MBD5: variants seen among roughly 807,000 people sequenced by gnomAD.
MBD5 encodes methyl-CpG binding domain protein 5.
A neutral mutation model predicts 117.3 loss-of-function variants in MBD5; 13 were observed. The observed-to-expected ratio is 0.11, with a 90% CI of 0.07 to 0.18. The LOEUF (loss-of-function observed/expected upper bound fraction) is 0.18, where lower values mean the gene tolerates loss of function less well. Among genes scored for constraint, MBD5 ranks in the 10% least tolerant of loss-of-function variants. MBD5 has a pLI of 1.00. For missense variants in MBD5, 1,879 were observed against 2,093.8 expected, an observed-to-expected ratio of 0.90 and a Z score of 2.00; for synonymous variants, 727 against 766.4, an observed-to-expected ratio of 0.95 and a Z score of 0.85.
At chr2:148,223,673 T>G (rs1317377170) in intron 2 of MBD5, among the ~76,000 whole-genome samples, 4 of 152,164 alleles carry the variant, frequency 2.6e-5, no homozygotes, top group Admixed American at 2.6e-4. Flanking sequence ...GGCCAAAAGT[T>G]TGTTAATTTT....
At chr2:148,373,930 C>T (rs1452771787) in intron 4 of MBD5, among the ~76,000 whole-genome samples, 1 of 151,958 alleles carries the variant, frequency 6.6e-6, no homozygotes, top group East Asian at 1.9e-4. Context: ...ATCCATAACC[C>T]AAAAAATCCA....
intron 4 of MBD5, among the ~76,000 whole-genome samples, chr2:148,395,954 T>C (rs1357855299): frequency 6.6e-6 from 1 of 152,196 alleles, no homozygotes; most frequent in Non-Finnish European, 1.5e-5. Context: ...TTTTCCACCT[T>C]ACACCTTAAT....
chr2:148,498,700 G>T (rs1250939051), intron 11 of MBD5, among the ~76,000 whole-genome samples: 2 of 152,148 alleles, frequency 1.3e-5, no homozygotes, highest in Non-Finnish European at 2.9e-5. Flanking sequence ...TCTCTGAAAG[G>T]TTATGTCTTC....
At chr2:148,370,084 A>T (rs1464619164) in intron 4 of MBD5, among the ~76,000 whole-genome samples, 1 of 152,132 alleles carries the variant, frequency 6.6e-6, no homozygotes, top group African/African-American at 2.4e-5. Context: ...TCACTTTATA[A>T]AGGTGATAGA....
At chr2:148,372,862 G>C (rs1161416217) in intron 4 of MBD5, among the ~76,000 whole-genome samples, 1 of 152,048 alleles carries the variant, frequency 6.6e-6, no homozygotes, top group Non-Finnish European at 1.5e-5. Flanking sequence ...AACCTGGAAT[G>C]TTGGGCAGTC....
rs1189477980 is a variant in MBD5, at chr2:148,267,223, A to G, written c.-680+33828A>G. On this transcript the variant is annotated intron_variant, in intron 3 of 13. Coordinates refer to ENST00000642680, the MANE Select transcript of MBD5 (RefSeq NM_001378120.1). ...CACAGTAGACAGATAAAAAAAGAAT[A>G]AAACAGACAAATAGATCTGGGTATA... Among the ~76,000 whole-genome samples the G allele has an allele frequency of 2.0e-5, 3 of 152,170 alleles. No homozygotes were observed. In the East Asian group the frequency reaches 5.8e-4, roughly 29 times the overall value.
At chr2:148,077,548 G>A (rs1373481924) in intron 1 of MBD5, among the ~76,000 whole-genome samples, 1 of 152,092 alleles carries the variant, frequency 6.6e-6, no homozygotes, top group Non-Finnish European at 1.5e-5. Flanking sequence ...ACTCTATTGA[G>A]GATAATTTTA....
chr2:148,254,470 A>G (rs1341456526), intron 3 of MBD5, among the ~76,000 whole-genome samples: 2 of 152,160 alleles, frequency 1.3e-5, no homozygotes, highest in Admixed American at 6.5e-5. Flanking sequence ...CACCTGCTCC[A>G]GGGATAGTCA....
At position 148,405,931 on chromosome 2, in the gene MBD5, C is replaced by A. The variant is rs148803445; in HGVS notation, c.-556-52272C>A. ...CCCAGGAGTTCGAGACCAGCCTGGG[C>A]AGCATGGTGAAACCAAATCTCTATA... On this transcript the variant is annotated intron_variant, in intron 4 of 13. Transcript: ENST00000642680. 2.6e-4 allele frequency among the ~76,000 whole-genome samples: 40 copies of A among 152,224 alleles called. 2 individuals carry two copies. The East Asian group carries it at 7.7e-3, about 29-fold the overall frequency.
At chr2:148,256,082 C>T (rs1012546756) in intron 3 of MBD5, among the ~76,000 whole-genome samples, 11 of 152,228 alleles carry the variant, frequency 7.2e-5, no homozygotes, top group Non-Finnish European at 1.5e-4. Context: ...GGCAGCGGCC[C>T]GATGTAGTCT....
chr2:148,260,992 T>C (rs1700718830), intron 3 of MBD5, among the ~76,000 whole-genome samples: 1 of 152,152 alleles, frequency 6.6e-6, no homozygotes, highest in African/African-American at 2.4e-5. Context: ...TGAGCAGTAA[T>C]ATTTTGAAAG....
intron 4 of MBD5, among the ~76,000 whole-genome samples, chr2:148,414,075 A>T (rs1705350429): frequency 6.6e-6 from 1 of 151,826 alleles, no homozygotes; most frequent in Admixed American, 6.6e-5. Context: ...TTAATTTGAG[A>T]TCTTCCTCAC....
chr2:148,363,295 C>G (rs776264856), intron 4 of MBD5, among the ~76,000 whole-genome samples: 2 of 152,150 alleles, frequency 1.3e-5, no homozygotes, highest in Non-Finnish European at 2.9e-5. Flanking sequence ...TGCAGTGGCG[C>G]AATCTTGGCT....
At chr2:148,145,244 CTGTT>C (rs1479767951) in intron 1 of MBD5, among the ~76,000 whole-genome samples, 85 of 152,224 alleles carry the variant, frequency 5.6e-4, no homozygotes, top group African/African-American at 1.9e-3. Context: ...TTTTGGCTCT[CTGTT>C]TGTCTGTTAT....
intron 4 of MBD5, among the ~76,000 whole-genome samples, chr2:148,444,175 A>G (rs1301348106): frequency 1.3e-5 from 2 of 151,526 alleles, no homozygotes; most frequent in African/African-American, 2.4e-5. Context: ...CATCATAGCC[A>G]TCTTCTTCTC....
At chr2:148,390,509 A>G (rs950417901) in intron 4 of MBD5, among the ~76,000 whole-genome samples, 2 of 148,622 alleles carry the variant, frequency 1.3e-5, no homozygotes, top group African/African-American at 5.0e-5. Flanking sequence ...ATGTGTGTGT[A>G]TGTATATATG....
chr2:148,413,336 T>A (rs2105200124), intron 4 of MBD5, among the ~76,000 whole-genome samples: 1 of 152,250 alleles, frequency 6.6e-6, no homozygotes, highest in East Asian at 1.9e-4. Flanking sequence ...GTGGATTAGC[T>A]TTTTGTTGTG....
intron 2 of MBD5, among the ~76,000 whole-genome samples, chr2:148,210,900 G>C (rs1042514597): frequency 7.9e-5 from 12 of 152,086 alleles, no homozygotes; most frequent in African/African-American, 2.9e-4. Context: ...TCTTTAGATA[G>C]TTCCCTTTTT....
chr2:148,322,159 G>A (rs1702298659), intron 3 of MBD5, among the ~76,000 whole-genome samples: 1 of 152,324 alleles, frequency 6.6e-6, no homozygotes, highest in Admixed American at 6.5e-5. Context: ...AGTGTAAAGT[G>A]ATATGTATTC....
Sources: allele counts gnomAD v4.1 joint callset (sites outside exome capture counted in the v4.1 genomes callset), GRCh38; gene constraint gnomAD v4.1.1; transcripts MANE v1.5; gene names NCBI Gene and HGNC (gene_info 2026-07-23, HGNC 2026-07-21).